DAP3: variants seen among roughly 807,000 people sequenced by gnomAD.
The protein encoded by DAP3 is death associated protein 3.
A neutral mutation model predicts 51.9 loss-of-function variants in DAP3; 28 were observed. The observed-to-expected ratio is 0.54, with a 90% CI of 0.40 to 0.74. The LOEUF (loss-of-function observed/expected upper bound fraction) is 0.74, where lower values mean the gene tolerates loss of function less well. Ranked by LOEUF, DAP3 falls within the 30% of genes least tolerant of loss-of-function variation. The pLI, the probability that DAP3 is intolerant of heterozygous loss-of-function variation, is 0.00. For synonymous variants in DAP3, 170 were observed against 170.3 expected, an observed-to-expected ratio of 1.00 and a Z score of 0.01; for missense variants, 458 against 483.5, an observed-to-expected ratio of 0.95 and a Z score of 0.49.
intron 1 of DAP3, among the ~76,000 whole-genome samples, chr1:155,707,584 A>G (rs1490602303): frequency 6.6e-6 from 1 of 152,150 alleles, no homozygotes. Context: ...AAAAAAATGA[A>G]TATAATACAC....
intron 2 of DAP3, among the ~76,000 whole-genome samples, chr1:155,712,784 A>T (rs893377451): frequency 1.3e-4 from 20 of 151,966 alleles, no homozygotes; most frequent in African/African-American, 4.8e-4. Context: ...CAAAAAAAAA[A>T]GTGTAACAAA....
chr1:155,719,226 TA>T (rs748990732), intron 3 of DAP3, among the ~76,000 whole-genome samples: 34 of 111,564 alleles, frequency 3.0e-4, no homozygotes, highest in Admixed American at 6.2e-4. Flanking sequence ...ACCCTAACTC[TA>T]AAACAATTTT....
At chr1:155,710,130 A>G (rs1656508949) in intron 2 of DAP3, 1 of 260,728 alleles carries the variant, frequency 3.8e-6, no homozygotes. Context: ...TTACAGCTTT[A>G]GCATCTAAAA....
chr1:155,702,849 A>C (rs1443809774), intron 1 of DAP3, among the ~76,000 whole-genome samples: 1 of 152,140 alleles, frequency 6.6e-6, no homozygotes, highest in Non-Finnish European at 1.5e-5. Context: ...GGGCACCTGT[A>C]ATCCCAGCTA....
chr1:155,700,425 C>T lies in DAP3; in HGVS notation c.-7-9348C>T, dbSNP rs543455988. ...TCCATTTTTAGTTTTTTTGCTTGTG[C>T]TTTTGATGTTATAGTTAAGAAACCA... On this transcript the variant is annotated intron_variant, in intron 1 of 12. Coordinates refer to ENST00000368336, the MANE Select transcript of DAP3 (RefSeq NM_004632.4). 2.3e-4 allele frequency among the ~76,000 whole-genome samples: 35 copies of T among 152,162 alleles called. 1 individual carries two copies. Among genetic ancestry groups the T allele is most frequent in the Non-Finnish European group, 2.4e-4 (16 of 68,022 alleles).
intron 9 of DAP3, among the ~76,000 whole-genome samples, chr1:155,730,555 G>T (rs549299893): frequency 6.6e-6 from 1 of 152,080 alleles, no homozygotes; most frequent in Non-Finnish European, 1.5e-5. Context: ...GGCAGAGCCC[G>T]CAATGAGTGG....
chr1:155,688,312 C>G (rs1558323259), upstream of DAP3: 1 of 1,561,300 alleles, frequency 6.4e-7, no homozygotes, highest in Non-Finnish European at 8.7e-7. Flanking sequence ...GCAAAGCGAA[C>G]CCAAAATGGC....
At chr1:155,729,928 A>G (rs976689068) in intron 9 of DAP3, among the ~76,000 whole-genome samples, 7 of 151,626 alleles carry the variant, frequency 4.6e-5, no homozygotes, top group South Asian at 2.1e-4. Flanking sequence ...TAAAAATACA[A>G]AATTAGCCGG....
chr1:155,706,693 G>T (rs998693133), intron 1 of DAP3, among the ~76,000 whole-genome samples: 2 of 151,934 alleles, frequency 1.3e-5, no homozygotes. Context: ...CTTGAGCCCG[G>T]GGAGGCAAGG....
At chr1:155,692,404 A>C (rs1229912313) in intron 1 of DAP3, among the ~76,000 whole-genome samples, 1 of 141,392 alleles carries the variant, frequency 7.1e-6, no homozygotes, top group Non-Finnish European at 1.5e-5. Flanking sequence ...TAAAACTGCC[A>C]TTGCTATTAA....
intron 9 of DAP3, among the ~76,000 whole-genome samples, chr1:155,730,725 G>A (rs902343621): frequency 6.6e-5 from 10 of 152,180 alleles, no homozygotes; most frequent in African/African-American, 2.2e-4. Context: ...TGTGGAAAGA[G>A]AATGACAGCA....
chr1:155,703,130 G>T (rs1470627241), intron 1 of DAP3, among the ~76,000 whole-genome samples: 1 of 152,142 alleles, frequency 6.6e-6, no homozygotes, highest in East Asian at 1.9e-4. Flanking sequence ...GCTATTCTAG[G>T]TCTGTTGCAT....
chr1:155,709,587 C>T (rs1178774389), intron 1 of DAP3, among the ~76,000 whole-genome samples, 186 bp from the exon 2 acceptor site: 4 of 151,956 alleles, frequency 2.6e-5, no homozygotes, highest in African/African-American at 7.3e-5. Flanking sequence ...TTTTGTGTTT[C>T]GTTTTCTGTG....
chr1:155,720,602 C>G (rs1026893535), intron 3 of DAP3, among the ~76,000 whole-genome samples: 2 of 150,240 alleles, frequency 1.3e-5, no homozygotes, highest in African/African-American at 4.9e-5. Flanking sequence ...GAGCCAAGAT[C>G]GCGCCATTAC....
At chr1:155,721,380 G>GTATA in intron 3 of DAP3, 137 bp from the exon 4 acceptor site, 1 of 393,302 alleles carries the variant, frequency 2.5e-6, no homozygotes, top group Non-Finnish European at 4.5e-6. Context: ...GTATGTATGT[G>GTATA]TATATATATA....
At chr1:155,717,807 G>A (rs940822241) in intron 3 of DAP3, among the ~76,000 whole-genome samples, 10 of 152,146 alleles carry the variant, frequency 6.6e-5, no homozygotes, top group African/African-American at 2.2e-4. Context: ...TGTGAGAAGA[G>A]CAGCATTTAA....
In DAP3 at chr1:155,727,644, A is replaced by G. The variant is rs202169688; in HGVS notation, c.509A>G (p.Gln170Arg). Residue 170 changes from glutamine to arginine, a missense_variant, in exon 7 of 13, where the codon CAG becomes CGG. Coordinates refer to ENST00000368336, the MANE Select transcript of DAP3 (RefSeq NM_004632.4). ...LWVKNCRDLLQSSYNKQRFDQ... is the reference protein window; with the variant it reads ...LWVKNCRDLLRSSYNKQRFDQ... The stretch of plus-strand genomic sequence containing the variant: ...GTGAAAAATTGTCGGGATCTTCTGC[A>G]GTCCAGCTACAACAAACAGCGCTTT... 6.2e-7 allele frequency: 1 copy of G among 1,613,314 alleles called. No individual in the cohort carries two copies. The highest frequency in any genetic ancestry group is 8.5e-7 in the Non-Finnish European group (1 of 1,179,656).
Position 155,689,107 on chromosome 1 carries a change from C to T in DAP3, c.-75C>T, listed in dbSNP as rs1653262284. ...CCCTTTTTTGCAGTCTCAGGACGGG[C>T]GCTTTGGAGCCGGCCCCAGGCAGCG... On this transcript the variant is annotated 5_prime_UTR_variant, in exon 1 of 13. Coordinates refer to ENST00000368336, the MANE Select transcript of DAP3 (RefSeq NM_004632.4). 4.8e-6 allele frequency: 6 copies of T among 1,248,102 alleles called. No individual in the cohort carries two copies. The highest frequency in any genetic ancestry group is 5.6e-6 in the Non-Finnish European group (5 of 890,788). The allele number at this position is 1,248,102 out of a possible 1,614,324, so 77.3% of individuals were successfully genotyped here.
At chr1:155,705,099 G>T (rs527607997) in intron 1 of DAP3, among the ~76,000 whole-genome samples, 1 of 147,112 alleles carries the variant, frequency 6.8e-6, no homozygotes, top group Non-Finnish European at 1.5e-5. Context: ...CAAGACCATC[G>T]CTGGCAACAT....
Sources: gnomAD v4.1 joint callset for allele counts (sites outside exome capture counted in the v4.1 genomes callset) on GRCh38, gnomAD v4.1.1 for gene constraint, MANE v1.5 for transcripts, NCBI Gene and HGNC (gene_info 2026-07-23, HGNC 2026-07-21) for gene names.